EMILIN2: variants seen among roughly 807,000 people sequenced by gnomAD.
EMILIN2 encodes the protein EMILIN-2.
In EMILIN2, 71 loss-of-function variants were observed where a neutral mutation model predicts 87.1. The ratio of observed to expected loss-of-function variants is 0.82; its 90% confidence interval spans 0.67 to 0.99. The LOEUF is 0.99. Among genes scored for constraint, EMILIN2 ranks in the 50% least tolerant of loss-of-function variants. The pLI is 0.00. For missense variants in EMILIN2, 1,407 were observed against 1,371.8 expected (o/e 1.03, Z -0.40); for synonymous variants, 581 against 563.4 (o/e 1.03, Z -0.44).
intron 2 of EMILIN2, among the ~76,000 whole-genome samples, chr18:2,856,783 A>G (rs1428444848): frequency 6.6e-6 from 1 of 152,192 alleles, no homozygotes; most frequent in Non-Finnish European, 1.5e-5. Flanking sequence ...AATAACAACA[A>G]ACCACTTGAT....
intron 2 of EMILIN2, among the ~76,000 whole-genome samples, chr18:2,862,683 T>C (rs1053953678): frequency 5.3e-5 from 8 of 152,270 alleles, no homozygotes; most frequent in Middle Eastern, 3.4e-3. Flanking sequence ...AAAATTCTCT[T>C]TTTTTTGTTG....
In EMILIN2 at chr18:2,890,470, T is replaced by C. The variant is rs979045604; in HGVS notation, c.434-91T>C. ...AGTGACCTGTAAGTGAAGATGTACA[T>C]GTATTTTGTAGGTACCTTGTTTATT... On this transcript the variant is annotated intron_variant, in intron 3 of 7. Coordinates refer to ENST00000254528, the MANE Select transcript of EMILIN2 (RefSeq NM_032048.3). This position sits in a 1 kb window ranked among gnomAD's most constrained non-coding sequence, Gnocchi z 4.7. 3.5e-5 allele frequency: 50 copies of C among 1,423,882 alleles called. No homozygotes were observed. Among genetic ancestry groups the C allele is most frequent in the Non-Finnish European group, 4.3e-5 (45 of 1,054,994 alleles). The allele number at this position is 1,423,882 out of a possible 1,614,324, so 88.2% of individuals were successfully genotyped here.
chr18:2,868,766 G>A (rs471399), intron 2 of EMILIN2, among the ~76,000 whole-genome samples: 80,455 of 151,760 alleles, frequency 0.53, 21,978 homozygotes, highest in Middle Eastern at 0.61. Context: ...GCTTCGGCTC[G>A]GCATCAGACG....
chr18:2,889,337 C>T (rs866268270), intron 3 of EMILIN2, among the ~76,000 whole-genome samples: 2 of 151,772 alleles, frequency 1.3e-5, no homozygotes, highest in Non-Finnish European at 1.5e-5. Flanking sequence ...GGGGTTACGC[C>T]ATGTTGGCCA....
chr18:2,864,486 G>T (rs549727350), intron 2 of EMILIN2, among the ~76,000 whole-genome samples: 1 of 152,122 alleles, frequency 6.6e-6, no homozygotes, highest in South Asian at 2.1e-4. Flanking sequence ...ATGAAACTTA[G>T]TTTGGCTGGA....
Position 2,913,648 on chromosome 18 carries a change from T to TTTTTTTTTTTAA in EMILIN2, c.*244_*245insTTTTTTTTTTAA. On this transcript the variant is annotated 3_prime_UTR_variant, in exon 8 of 8. Transcript: ENST00000254528. ...ACTCTAACTGGACAACTGGAAGACT[T>TTTTTTTTTTTAA]GGAAAGGCCTCCACCTGTATCTACA... is the stretch of plus-strand genomic sequence containing the variant. The TTTTTTTTTTTAA allele has an allele frequency of 2.1e-6, 1 of 479,946 alleles. No individual in the cohort carries two copies. Among genetic ancestry groups the TTTTTTTTTTTAA allele is most frequent in the Non-Finnish European group, 3.7e-6 (1 of 270,910 alleles). 29.7% of individuals were successfully genotyped at this position (479,946 alleles called of 1,614,324 possible). A position where few individuals can be genotyped will look rare whatever the true frequency, so the allele number is the denominator to read the frequency against.
chr18:2,906,218 G>C (rs2144067565), intron 4 of EMILIN2: 1 of 152,354 alleles, frequency 6.6e-6, no homozygotes, highest in Non-Finnish European at 1.5e-5. Flanking sequence ...CAGAGGGCCG[G>C]GAGACGCACG....
intron 2 of EMILIN2, among the ~76,000 whole-genome samples, chr18:2,879,433 C>T (rs143479913): frequency 9.9e-5 from 15 of 152,174 alleles, no homozygotes; most frequent in East Asian, 1.9e-4. Context: ...CCAAGGCGGG[C>T]GGATCACCTG....
chr18:2,864,882 A>G (rs1225438913), intron 2 of EMILIN2, among the ~76,000 whole-genome samples: 1 of 152,152 alleles, frequency 6.6e-6, no homozygotes, highest in East Asian at 1.9e-4. Flanking sequence ...GTCTTTTCAC[A>G]TAGTCCCATA....
intron 2 of EMILIN2, among the ~76,000 whole-genome samples, chr18:2,869,430 C>G (rs914312365): frequency 6.6e-6 from 1 of 152,220 alleles, no homozygotes; most frequent in Non-Finnish European, 1.5e-5. Flanking sequence ...TTTCTCTCCA[C>G]GTACCCCCTC....
chr18:2,879,681 C>G (rs1349810752), intron 2 of EMILIN2, among the ~76,000 whole-genome samples: 2 of 151,332 alleles, frequency 1.3e-5, no homozygotes, highest in African/African-American at 4.9e-5. Flanking sequence ...AACACCCCCC[C>G]CAAAAAAAGA....
At chr18:2,911,830 G>A (rs1283462654) in intron 7 of EMILIN2, among the ~76,000 whole-genome samples, 2 of 152,122 alleles carry the variant, frequency 1.3e-5, no homozygotes, top group African/African-American at 4.8e-5. Flanking sequence ...TGAACTGAGT[G>A]AGGCTTCACC....
At chr18:2,873,616 A>G (rs1287923026) in intron 2 of EMILIN2, among the ~76,000 whole-genome samples, 5 of 151,838 alleles carry the variant, frequency 3.3e-5, no homozygotes, top group Non-Finnish European at 7.4e-5. Flanking sequence ...CTGAGGCAGG[A>G]GAATGGCGTG....
At chr18:2,907,622 A>ATGTC (rs1219081262) in intron 5 of EMILIN2, among the ~76,000 whole-genome samples, 2 of 152,202 alleles carry the variant, frequency 1.3e-5, no homozygotes, top group East Asian at 3.9e-4. Context: ...TGAGTTGTGA[A>ATGTC]TGTCTGCACC....
At chr18:2,875,765 C>A (rs1414421571) in intron 2 of EMILIN2, among the ~76,000 whole-genome samples, 1 of 152,196 alleles carries the variant, frequency 6.6e-6, no homozygotes, top group Non-Finnish European at 1.5e-5. Flanking sequence ...GCTCTCCTAG[C>A]AAATCTAAGA....
intron 2 of EMILIN2, among the ~76,000 whole-genome samples, chr18:2,869,768 CTGTGTGTGTGTGTGTGTTTGTGTG>C (rs11274394): frequency 0.4 from 56,987 of 143,776 alleles, 12,140 homozygotes; most frequent in Admixed American, 0.47. Flanking sequence ...ATAGATTCCT[CTGTGTGTGTGTGTGTGTTTGTGTG>C]TGTGTGTGTG....
At chr18:2,860,934 C>T (rs1417288038) in intron 2 of EMILIN2, among the ~76,000 whole-genome samples, 1 of 152,220 alleles carries the variant, frequency 6.6e-6, no homozygotes, top group Admixed American at 6.5e-5. Context: ...GCCGTTCTAA[C>T]TGGTGTGAGA....
At chr18:2,909,000 C>T in intron 6 of EMILIN2, 25 bp downstream of exon 6, 1 of 1,612,916 alleles carries the variant, frequency 6.2e-7, no homozygotes, top group Non-Finnish European at 8.5e-7. Flanking sequence ...AGACCAGGAG[C>T]AGGAGGAGCG....
intron 3 of EMILIN2, 32 bp downstream of exon 3, chr18:2,885,171 C>T (rs368143576): frequency 1.9e-6 from 3 of 1,540,350 alleles, no homozygotes; most frequent in African/African-American, 2.8e-5. Context: ...TATGTATGGC[C>T]ACCTTTAATA....
Sources: gnomAD v4.1 joint callset for allele counts (sites outside exome capture counted in the v4.1 genomes callset) on GRCh38, gnomAD v4.1.1 for gene constraint, Gnocchi (gnomAD v3.1) non-coding constraint, MANE v1.5 for transcripts, NCBI Gene and HGNC (gene_info 2026-07-23, HGNC 2026-07-21) for gene names.